Variants in TSNARE1 observed in about 807,000 individuals in gnomAD.
TSNARE1 encodes the protein t-SNARE domain-containing protein 1.
In TSNARE1, 49 loss-of-function variants were observed where a neutral mutation model predicts 62.0. The ratio of observed to expected loss-of-function variants is 0.79; its 90% CI spans 0.63 to 1.00. TSNARE1 has a LOEUF of 1.00. TSNARE1 is among the 50% of genes least tolerant of loss of function. The probability of loss-of-function intolerance (pLI) is 0.00; values close to 1 mark genes in which losing one functional copy is unlikely to be tolerated. For missense variants in TSNARE1, 755 were observed against 700.1 expected, an observed-to-expected ratio of 1.08 and a Z score of -0.88; for synonymous variants, 328 against 294.4, an observed-to-expected ratio of 1.11 and a Z score of -1.17.
In TSNARE1 at chr8:142,375,862, C is replaced by A. The variant is rs575016944; in HGVS notation, c.-39-21099G>T. On this transcript the variant is annotated intron_variant, in intron 1 of 13. Transcript: ENST00000524325. ...CTCCAGCTTCCAGCACAGGCCCAGG[C>A]TGGGGTTCCAACTGATAGAGATGTG... Among the ~76,000 whole-genome samples, 14 of 152,284 alleles carry A rather than the reference C, an allele frequency of 9.2e-5. No homozygotes were observed. In the East Asian group the frequency reaches 2.7e-3, roughly 29 times the overall value.
chr8:142,273,715 G>A (rs759263766), intron 12 of TSNARE1: 21 of 985,278 alleles, frequency 2.1e-5, no homozygotes, highest in Non-Finnish European at 2.5e-5. Context: ...GGGTGCCCGG[G>A]CTGGGTCCCA....
chr8:142,354,285 C>A (rs1279414313), intron 2 of TSNARE1, among the ~76,000 whole-genome samples: 1 of 152,132 alleles, frequency 6.6e-6, no homozygotes, highest in Non-Finnish European at 1.5e-5. Context: ...CAAAGTGCCA[C>A]CTGCTCCACA....
chr8:142,322,644 C>G (rs776234191), intron 6 of TSNARE1, among the ~76,000 whole-genome samples: 1 of 152,204 alleles, frequency 6.6e-6, no homozygotes, highest in Non-Finnish European at 1.5e-5. Flanking sequence ...GAGAGGAACA[C>G]AAATAAGAGA....
At chr8:142,298,986 A>G (rs975722322) in intron 10 of TSNARE1, among the ~76,000 whole-genome samples, 1 of 152,226 alleles carries the variant, frequency 6.6e-6, no homozygotes, top group Admixed American at 6.5e-5. Context: ...CAGCAGCAGC[A>G]AAGGGCTCGT....
intron 1 of TSNARE1, among the ~76,000 whole-genome samples, chr8:142,393,648 C>A (rs896163227): frequency 6.6e-6 from 1 of 152,198 alleles, no homozygotes; most frequent in Non-Finnish European, 1.5e-5. Flanking sequence ...TCTGACTCCC[C>A]GAGCACCTGC....
intron 9 of TSNARE1, among the ~76,000 whole-genome samples, chr8:142,312,506 T>C (rs1477377083): frequency 6.6e-6 from 1 of 152,170 alleles, no homozygotes; most frequent in African/African-American, 2.4e-5. Flanking sequence ...CTGGTTTACC[T>C]TCATCTCTCA....
At chr8:142,364,049 G>A (rs1223474404) in intron 1 of TSNARE1, among the ~76,000 whole-genome samples, 1 of 152,204 alleles carries the variant, frequency 6.6e-6, no homozygotes, top group Non-Finnish European at 1.5e-5. Context: ...AAAACCTGGG[G>A]AGGGAAAATC....
At chr8:142,294,736 C>T (rs918338930) in intron 10 of TSNARE1, among the ~76,000 whole-genome samples, 1 of 152,202 alleles carries the variant, frequency 6.6e-6, no homozygotes, top group African/African-American at 2.4e-5. Context: ...CAGCAGACAG[C>T]CCTACAGAGG....
intron 4 of TSNARE1, among the ~76,000 whole-genome samples, chr8:142,336,282 C>CA (rs749299318): frequency 0.15 from 3,378 of 23,006 alleles, 210 homozygotes; most frequent in Non-Finnish European, 0.19. Context: ...GACCCTGTCT[C>CA]AAAAAAAAAA....
rs188204506 is a variant in TSNARE1, at chr8:142,380,571, A to C, written c.-40+22533T>G. Among the ~76,000 whole-genome samples the C allele has an allele frequency of 9.4e-3, 987 of 105,222 alleles. 8 individuals carry two copies. Among genetic ancestry groups the C allele is most frequent in the African/African-American group, 0.036 (943 of 26,530 alleles). The allele number at this position is 105,222 out of a possible 152,430, so 69.0% of individuals were successfully genotyped here. A position where few individuals can be genotyped will look rare whatever the true frequency, so the allele number is the denominator to read the frequency against. ...CCCCACTTCTCACAGCAGCCCCTCC[A>C]TGGGGCTCCCCAGCCAGACTGTAGG... On this transcript the variant is annotated intron_variant, in intron 1 of 13. Transcript: ENST00000524325.
intron 12 of TSNARE1, among the ~76,000 whole-genome samples, chr8:142,255,734 C>T (rs926631455): frequency 8.0e-5 from 4 of 49,834 alleles, no homozygotes; most frequent in African/African-American, 2.2e-4. Flanking sequence ...ACCACCACCA[C>T]CACCACTGTC....
chr8:142,214,301 T>C (rs954800075), intron 13 of TSNARE1, among the ~76,000 whole-genome samples: 2 of 152,186 alleles, frequency 1.3e-5, no homozygotes, highest in Non-Finnish European at 2.9e-5. Context: ...AGGGCCTCCC[T>C]GGACCCTTCA....
chr8:142,257,182 G>T (rs892449234), intron 12 of TSNARE1, among the ~76,000 whole-genome samples: 2 of 152,152 alleles, frequency 1.3e-5, no homozygotes, highest in African/African-American at 4.8e-5. Context: ...TGCCCACTTC[G>T]GGGGTGACCT....
chr8:142,330,389 C>G (rs1204728668), intron 6 of TSNARE1, among the ~76,000 whole-genome samples: 1 of 152,200 alleles, frequency 6.6e-6, no homozygotes, highest in Non-Finnish European at 1.5e-5. Flanking sequence ...CACTGGGCAC[C>G]CCTCAAGGAA....
At chr8:142,227,912 G>C (rs1284501060) in intron 13 of TSNARE1, among the ~76,000 whole-genome samples, 2 of 152,346 alleles carry the variant, frequency 1.3e-5, no homozygotes, top group Admixed American at 6.5e-5. Flanking sequence ...GGAGTCTCCA[G>C]TGCTCAGTAA....
intron 12 of TSNARE1, among the ~76,000 whole-genome samples, chr8:142,234,434 A>G (rs1051037456): frequency 7.9e-5 from 12 of 151,692 alleles, no homozygotes; most frequent in Admixed American, 3.3e-4. Context: ...CCACGGGTTC[A>G]GGGAAGGTTC....
chr8:142,311,425 G>A (rs1317327349), intron 9 of TSNARE1, among the ~76,000 whole-genome samples: 1 of 150,898 alleles, frequency 6.6e-6, no homozygotes, highest in Non-Finnish European at 1.5e-5. Flanking sequence ...AGCCTCCCGA[G>A]TAGGTGGAAT....
At position 142,354,792 on chromosome 8, in the gene TSNARE1, G is replaced by T. The variant is rs775705324; in HGVS notation, c.-39-29C>A. On this transcript the variant is annotated intron_variant, in intron 1 of 13. Transcript: ENST00000524325. ...GAGGAAACACGAAAAGCAGGGGGAA[G>T]AGGGGGAAGACATGGGGATTAAAGC... is the stretch of plus-strand genomic sequence containing the variant. The T allele has an allele frequency of 1.4e-5, 19 of 1,330,332 alleles. No homozygotes were observed. In the African/African-American group the frequency reaches 2.6e-4, roughly 18 times the overall value. The allele number at this position is 1,330,332 out of a possible 1,614,324, so 82.4% of individuals were successfully genotyped here. A position where few individuals can be genotyped will look rare whatever the true frequency, so the allele number is the denominator to read the frequency against.
intron 13 of TSNARE1, among the ~76,000 whole-genome samples, chr8:142,222,983 T>C (rs1411631233): frequency 2.8e-4 from 30 of 105,618 alleles, no homozygotes; most frequent in African/African-American, 9.4e-4. Context: ...CACTCACTCA[T>C]TCACTCACTC....
Sources: allele counts gnomAD v4.1 joint callset (sites outside exome capture counted in the v4.1 genomes callset), GRCh38; gene constraint gnomAD v4.1.1; transcripts MANE v1.5; gene names NCBI Gene and HGNC (gene_info 2026-07-23, HGNC 2026-07-21).